Variants in ANK1 observed in about 807,000 individuals in gnomAD.
The protein encoded by ANK1 is ankyrin 1, also known as ankyrin-1.
A neutral mutation model predicts 210.4 loss-of-function variants in ANK1; 51 were observed. That is an observed-to-expected ratio of 0.24 (90% confidence interval 0.19 to 0.31). ANK1 has a LOEUF of 0.31. Among genes scored for constraint, ANK1 ranks in the 10% least tolerant of loss-of-function variants. The pLI is 1.00. For synonymous variants in ANK1, 967 were observed against 1,025.9 expected, an observed-to-expected ratio of 0.94 and a Z score of 1.10; for missense variants, 2,051 against 2,504.4, an observed-to-expected ratio of 0.82 and a Z score of 3.86.
chr8:41,878,996 G>A (rs1817106248), intron 1 of ANK1, among the ~76,000 whole-genome samples: 2 of 152,054 alleles, frequency 1.3e-5, no homozygotes, highest in Admixed American at 1.3e-4. Context: ...CCTGGGAGGT[G>A]GAAGTTGCAG....
At chr8:41,803,266 T>TATAG (rs1231967197) in intron 1 of ANK1, 1 of 152,254 alleles carries the variant, frequency 6.6e-6, no homozygotes, top group Non-Finnish European at 1.5e-5. Flanking sequence ...TGTTACAGTC[T>TATAG]ATAGATACAT....
intron 39 of ANK1, chr8:41,664,755 C>T (rs1468068591): frequency 6.5e-7 from 1 of 1,535,876 alleles, no homozygotes; most frequent in Non-Finnish European, 8.8e-7. Context: ...TCAGCCCCGG[C>T]CTCCGGCGCC....
intron 1 of ANK1, among the ~76,000 whole-genome samples, chr8:41,889,944 T>C (rs1431902854): frequency 6.6e-6 from 1 of 152,240 alleles, no homozygotes; most frequent in East Asian, 1.9e-4. Context: ...TCATTTTTTT[T>C]CCTGAAAATG....
chr8:41,857,513 C>T (rs891786045), intron 1 of ANK1, among the ~76,000 whole-genome samples: 8 of 150,580 alleles, frequency 5.3e-5, no homozygotes, highest in South Asian at 2.1e-4. Flanking sequence ...CCGAGGCAGG[C>T]GAATCACCTG....
chr8:41,662,124 G>T (rs1450124366), intron 40 of ANK1, among the ~76,000 whole-genome samples, 183 bp from the exon 41 acceptor site: 1 of 152,178 alleles, frequency 6.6e-6, no homozygotes, highest in Non-Finnish European at 1.5e-5. Flanking sequence ...CGGTGTGGTG[G>T]CAGGTGCCTG....
At chr8:41,740,178 T>A (rs1349420940) in intron 2 of ANK1, among the ~76,000 whole-genome samples, 1 of 139,728 alleles carries the variant, frequency 7.2e-6, no homozygotes, top group Non-Finnish European at 1.6e-5. Flanking sequence ...TTTTTTTTTT[T>A]AGATGGAGTT....
chr8:41,763,888 T>G lies in ANK1; in HGVS notation c.28-5751A>C, dbSNP rs1186478342. Among the ~76,000 whole-genome samples, 265 of 105,016 alleles carry G rather than the reference T, an allele frequency of 2.5e-3. 3 individuals are homozygous for G. The highest frequency in any genetic ancestry group is 4.2e-3 in the Non-Finnish European group (219 of 52,508). 68.9% of individuals were successfully genotyped at this position (105,016 alleles called of 152,430 possible). A position where few individuals can be genotyped will look rare whatever the true frequency, so the allele number is the denominator to read the frequency against. The stretch of plus-strand genomic sequence containing the variant: ...TTTCTTCTTTCTTTTTTTCTTTTTT[T>G]CTTTTTTTTTTTTTTTTTTTTTTTT... On this transcript the variant is annotated intron_variant, in intron 1 of 42. Transcript: ENST00000289734.
chr8:41,896,441 T>A (rs1411062478), exon 1 of ANK1: 35 of 1,605,734 alleles, frequency 2.2e-5, no homozygotes, highest in Non-Finnish European at 2.8e-5. Flanking sequence ...TGCGCCTCGA[T>A]GTCTTTGATT....
chr8:41,888,086 C>T (rs545237975), intron 1 of ANK1, among the ~76,000 whole-genome samples: 6 of 152,218 alleles, frequency 3.9e-5, no homozygotes, highest in Non-Finnish European at 7.3e-5. Context: ...ACTGCCAGCT[C>T]CTCCCACTGC....
chr8:41,828,499 C>T (rs13439740), intron 1 of ANK1: 55,000 of 154,306 alleles, frequency 0.36, 10,497 homozygotes, highest in Middle Eastern at 0.45. Flanking sequence ...CCTGCCACCT[C>T]CTCCGAGAGG....
intron 30 of ANK1, 112 bp downstream of exon 30, chr8:41,692,993 G>A (rs938411754): frequency 1.2e-4 from 177 of 1,510,034 alleles, no homozygotes; most frequent in Non-Finnish European, 1.6e-4. Flanking sequence ...CTGTGGTCAC[G>A]GAGGCTTCCA....
chr8:41,797,580 T>C lies in ANK1; in HGVS notation c.-42A>G, dbSNP rs374431017. On this transcript the variant is annotated 5_prime_UTR_variant, in exon 1 of 43. Transcript: ENST00000289734. This position sits in a 1 kb window ranked among gnomAD's most constrained non-coding sequence, Gnocchi z 4.0. ...GGGCCCGCCGAAGGGCCTTGGGGGC[T>C]TGAGGAGGAGCAGCTGGGGCTGGCG... 5.0e-6 allele frequency: 8 copies of C among 1,611,806 alleles called. No individual in the cohort carries two copies. The highest frequency in any genetic ancestry group is 8.5e-7 in the Non-Finnish European group (1 of 1,179,402).
At chr8:41,864,272 A>G (rs1421442427) in intron 1 of ANK1, among the ~76,000 whole-genome samples, 1 of 149,466 alleles carries the variant, frequency 6.7e-6, no homozygotes, top group Non-Finnish European at 1.5e-5. Flanking sequence ...AAAAAAGGGT[A>G]CCATTTCCTC....
chr8:41,707,179 G>C (rs16890767), intron 17 of ANK1, among the ~76,000 whole-genome samples: 4 of 152,224 alleles, frequency 2.6e-5, no homozygotes, highest in Non-Finnish European at 5.9e-5. Context: ...AGAGCATCCC[G>C]CCAGGATTGA....
intron 1 of ANK1, among the ~76,000 whole-genome samples, chr8:41,808,087 CAGAAA>C (rs1851233223): frequency 6.6e-6 from 1 of 152,170 alleles, no homozygotes; most frequent in Non-Finnish European, 1.5e-5. Context: ...AGGCCAGACC[CAGAAA>C]GGGTCTTCTC....
At chr8:41,771,549 G>A (rs551100496) in intron 1 of ANK1, among the ~76,000 whole-genome samples, 14 of 152,316 alleles carry the variant, frequency 9.2e-5, no homozygotes, top group African/African-American at 3.4e-4. Flanking sequence ...GAATTGATGG[G>A]CTGAAGAAAA....
chr8:41,703,438 A>ATTTTTTTT (rs1563491543), intron 20 of ANK1, among the ~76,000 whole-genome samples: 2 of 68,522 alleles, frequency 2.9e-5, no homozygotes, highest in African/African-American at 1.1e-4. Context: ...ATATATATAT[A>ATTTTTTTT]TATATATATA....
chr8:41,835,700 A>G (rs188547320), intron 1 of ANK1, among the ~76,000 whole-genome samples: 2 of 152,346 alleles, frequency 1.3e-5, no homozygotes, highest in East Asian at 3.9e-4. Context: ...AATAGTTGAG[A>G]AAAGGATTCA....
chr8:41,887,179 T>C (rs1269005901), intron 1 of ANK1, among the ~76,000 whole-genome samples: 1 of 152,084 alleles, frequency 6.6e-6, no homozygotes, highest in African/African-American at 2.4e-5. Context: ...TGCTTTTTCT[T>C]TCTGTGTCTC....
Sources: gnomAD v4.1 joint callset for allele counts (sites outside exome capture counted in the v4.1 genomes callset) on GRCh38, gnomAD v4.1.1 for gene constraint, Gnocchi (gnomAD v3.1) non-coding constraint, MANE v1.5 for transcripts, NCBI Gene and HGNC (gene_info 2026-07-23, HGNC 2026-07-21) for gene names.